The following DLAT variants were observed in gnomAD, a reference collection of about 807,000 sequenced individuals.
The protein encoded by DLAT is dihydrolipoyllysine-residue acetyltransferase component of pyruvate dehydrogenase complex, mitochondrial.
Under a neutral mutation model 68.0 loss-of-function variants are expected in DLAT, and 43 were observed. The observed-to-expected ratio is 0.63, with a 90% CI of 0.50 to 0.81. The LOEUF is 0.81. DLAT is among the 40% of genes least tolerant of loss of function. The pLI is 0.00. For missense variants in DLAT, 745 were observed against 815.4 expected (o/e 0.91, Z 1.05); for synonymous variants, 265 against 288.6 (o/e 0.92, Z 0.83).
intron 12 of DLAT, 54 bp downstream of exon 12, chr11:112,060,119 G>A (rs587603674): frequency 8.6e-6 from 12 of 1,400,248 alleles, no homozygotes; most frequent in Non-Finnish European, 1.1e-5. Context: ...TTTGCATAAT[G>A]CATTTATTGC....
intron 10 of DLAT, 104 bp downstream of exon 10, chr11:112,046,074 G>A: frequency 4.3e-6 from 3 of 690,068 alleles, no homozygotes; most frequent in Non-Finnish European, 5.2e-6. Context: ...TATATCAGTT[G>A]GTGGTTACTT....
At chr11:112,036,460 G>A (rs1162425910) in intron 5 of DLAT, among the ~76,000 whole-genome samples, 5 of 150,426 alleles carry the variant, frequency 3.3e-5, no homozygotes, top group African/African-American at 7.3e-5. Context: ...TGATCCACCC[G>A]CCTCGGTCTC....
chr11:112,029,031 T>C, intron 4 of DLAT, 86 bp downstream of exon 4: 2 of 1,458,192 alleles, frequency 1.4e-6, no homozygotes, highest in African/African-American at 2.8e-5. Flanking sequence ...TCTTGGAAAC[T>C]GACATTAAAT....
intron 1 of DLAT, 105 bp downstream of exon 1, chr11:112,025,856 A>G: frequency 7.0e-7 from 1 of 1,429,440 alleles, no homozygotes; most frequent in South Asian, 1.3e-5. Context: ...ACCCATTCCC[A>G]GTATCTGCTT....
intron 7 of DLAT, among the ~76,000 whole-genome samples, chr11:112,039,688 A>G (rs1441248231): frequency 6.6e-6 from 1 of 152,098 alleles, no homozygotes; most frequent in Non-Finnish European, 1.5e-5. Flanking sequence ...TATATGTAAA[A>G]TTTGGTTATG....
At position 112,063,167 on chromosome 11, in the gene DLAT, C is replaced by T. The variant is rs1252256894; in HGVS notation, c.*632C>T. 6.6e-6 allele frequency: 1 copy of T among 152,370 alleles called. No individual in the cohort carries two copies. The highest frequency in any genetic ancestry group is 1.5e-5 in the Non-Finnish European group (1 of 68,256). The allele number at this position is 152,370 out of a possible 1,614,324, so 9.4% of individuals were successfully genotyped here. Reference sequence around the variant, plus strand: ...CTATGAATTCCTACACATGGTTATTCCCCCCTACTTGAGATAATCTAAATA... The same window carrying T: ...CTATGAATTCCTACACATGGTTATTTCCCCCTACTTGAGATAATCTAAATA... On this transcript the variant is annotated 3_prime_UTR_variant, in exon 14 of 14. Transcript: ENST00000280346.
In DLAT at chr11:112,039,840, C is replaced by T. The variant is rs1862961397; in HGVS notation, c.1129+443C>T. On this transcript the variant is annotated intron_variant, in intron 7 of 13. Coordinates refer to ENST00000280346, the MANE Select transcript of DLAT (RefSeq NM_001931.5). The stretch of plus-strand genomic sequence containing the variant: ...AAACAGAACTAGAGCTCCCTGAAGG[C>T]AAGGGAAAACGCCTTACTTGTCTGT... 2.6e-5 allele frequency among the ~76,000 whole-genome samples: 4 copies of T among 152,070 alleles called. No individual in the cohort carries two copies. In the South Asian group the frequency reaches 8.3e-4, roughly 31 times the overall value.
At chr11:112,026,924 G>A (rs1329934812) in intron 2 of DLAT, among the ~76,000 whole-genome samples, 1 of 151,600 alleles carries the variant, frequency 6.6e-6, no homozygotes. Context: ...CCCGGGCGGG[G>A]CAGCTGGCCA....
rs587740085 is a variant in DLAT at position 112,050,186 on chromosome 11, G to A, written c.1399-1048G>A. 2.4e-4 allele frequency among the ~76,000 whole-genome samples: 36 copies of A among 152,330 alleles called. No individual in the cohort carries two copies. The South Asian group carries it at 7.5e-3, about 32-fold the overall frequency. Reference sequence around the variant, plus strand: ...TTATTACATTAATGGATTTTCAGATGTTAATGGAAATTTGCATTCTTGGGA... The same window carrying A: ...TTATTACATTAATGGATTTTCAGATATTAATGGAAATTTGCATTCTTGGGA... On this transcript the variant is annotated intron_variant, in intron 10 of 13. Transcript: ENST00000280346.
intron 10 of DLAT, among the ~76,000 whole-genome samples, chr11:112,050,128 T>G (rs1555181845): frequency 4.6e-5 from 7 of 152,228 alleles, no homozygotes. Flanking sequence ...TTGAGATGAT[T>G]ATGTGTTTTT....
chr11:112,036,204 T>G (rs1862758494), intron 5 of DLAT, among the ~76,000 whole-genome samples: 36 of 43,072 alleles, frequency 8.4e-4, no homozygotes, highest in African/African-American at 2.2e-3. Flanking sequence ...TGTGTGTGTT[T>G]TTTTTTTTTT....
rs201775924 is a variant in DLAT, at chr11:112,062,545, G to A, written c.*10G>A. The A allele has an allele frequency of 2.6e-5, 42 of 1,612,012 alleles. No individual in the cohort carries two copies. Among genetic ancestry groups the A allele is most frequent in the Non-Finnish European group, 3.5e-5 (41 of 1,179,862 alleles). The stretch of plus-strand genomic sequence containing the variant: ...CACTATGTTGTTGTAACTAACTCAA[G>A]AATTTCTAAACTCTCCCAGGTCACA... On this transcript the variant is annotated 3_prime_UTR_variant, in exon 14 of 14. Coordinates refer to ENST00000280346, the MANE Select transcript of DLAT (RefSeq NM_001931.5).
In DLAT at chr11:112,028,614, G is replaced by A; in HGVS notation, c.481G>A (p.Ala161Thr). 2 of 1,614,144 alleles carry A rather than the reference G, an allele frequency of 1.2e-6. No homozygotes were observed. The highest frequency in any genetic ancestry group is 2.2e-5 in the East Asian group (1 of 44,888). The change falls in exon 3 of 14, where the codon GCG (alanine) becomes ACG (threonine). Residue 161 changes from alanine (A) to threonine (T), a missense_variant. Transcript: ENST00000280346. ...AEGTRDVPIG[A>T]IICITVGKPE... ...AGGTACCAGGGATGTTCCCATCGGA[G>A]CGATCATCTGTATCACAGTTGGCAA...
chr11:112,033,643 A>G (rs1205038359), intron 5 of DLAT, 113 bp downstream of exon 5: 1 of 1,222,500 alleles, frequency 8.2e-7, no homozygotes, highest in African/African-American at 1.5e-5. Context: ...TATAATTCTT[A>G]GGATTCATTT....
chr11:112,039,826 G>T (rs1862960790), intron 7 of DLAT, among the ~76,000 whole-genome samples: 1 of 152,128 alleles, frequency 6.6e-6, no homozygotes, highest in Non-Finnish European at 1.5e-5. Flanking sequence ...AACAGAACTA[G>T]AGCTCCCTGA....
Position 112,064,001 on chromosome 11 carries a change from G to A in DLAT, c.*1466G>A, listed in dbSNP as rs1864796913. ...ATTCATTATTACATGGTACACAAGT[G>A]ACACTCCATATATTCCACACAGACT... On this transcript the variant is annotated 3_prime_UTR_variant, in exon 14 of 14. Coordinates refer to ENST00000280346, the MANE Select transcript of DLAT (RefSeq NM_001931.5). The A allele has an allele frequency of 5.1e-6, 3 of 594,046 alleles. No individual in the cohort carries two copies. Among genetic ancestry groups the A allele is most frequent in the Non-Finnish European group, 8.5e-6 (3 of 354,708 alleles). The allele number at this position is 594,046 out of a possible 1,614,324, so 36.8% of individuals were successfully genotyped here.
intron 11 of DLAT, among the ~76,000 whole-genome samples, chr11:112,052,578 G>A (rs587756114): frequency 6.6e-6 from 1 of 152,154 alleles, no homozygotes; most frequent in Admixed American, 6.5e-5. Context: ...TTTGAGGTGG[G>A]GTGGTGCAGA....
chr11:112,033,054 ACT>A (rs1362465519), intron 4 of DLAT, among the ~76,000 whole-genome samples: 6 of 152,120 alleles, frequency 3.9e-5, no homozygotes, highest in African/African-American at 1.2e-4. Context: ...ACAGAGCAAG[ACT>A]CTGTCTCAAA....
In DLAT at chr11:112,028,587, G is replaced by T; in HGVS notation, c.454G>T (p.Glu152Ter). 1 of 1,614,142 alleles carries T rather than the reference G, an allele frequency of 6.2e-7. No homozygotes were observed. The highest frequency in any genetic ancestry group is 8.5e-7 in the Non-Finnish European group (1 of 1,180,012). Residue 152 changes from glutamate to a stop codon, truncating the protein, a stop_gained, in exon 3 of 14, where the codon GAA (glutamate) becomes TAA (stop). Transcript: ENST00000280346. LOFTEE classifies it high-confidence loss of function. ...ECYMAKILVA[E>*]GTRDVPIGAI... ...TTATATGGCAAAGATACTTGTTGCT[G>T]AAGGTACCAGGGATGTTCCCATCGG...
Sources: allele counts gnomAD v4.1 joint callset (sites outside exome capture counted in the v4.1 genomes callset), GRCh38; gene constraint gnomAD v4.1.1; transcripts MANE v1.5; gene names NCBI Gene and HGNC (gene_info 2026-07-23, HGNC 2026-07-21).